SV2C: variants seen among roughly 807,000 people sequenced by gnomAD.
The protein encoded by SV2C is synaptic vesicle glycoprotein 2C.
Under a neutral mutation model 79.7 loss-of-function variants are expected in SV2C, and 49 were observed. The observed-to-expected ratio is 0.61, with a 90% confidence interval of 0.49 to 0.78. The LOEUF is 0.78. Among genes scored for constraint, SV2C ranks in the 30% least tolerant of loss-of-function variants. The probability of loss-of-function intolerance (pLI) is 0.00; values close to 1 mark genes in which losing one functional copy is unlikely to be tolerated. For missense variants in SV2C, 833 were observed against 912.9 expected, an observed-to-expected ratio of 0.91 and a Z score of 1.13; for synonymous variants, 334 against 333.2, an observed-to-expected ratio of 1.00 and a Z score of -0.03.
the SV2C span, among the ~76,000 whole-genome samples, chr5:76,037,124 G>C: frequency 3.9e-5 from 6 of 152,052 alleles, no homozygotes; most frequent in Non-Finnish European, 8.8e-5. Context: ...CTCTGTATTG[G>C]TTATTCTAGT....
At chr5:75,863,229 GCTGTACC>G in the SV2C span, among the ~76,000 whole-genome samples, 1 of 152,064 alleles carries the variant, frequency 6.6e-6, no homozygotes, top group Non-Finnish European at 1.5e-5. Context: ...GAAAAGATAC[GCTGTACC>G]CTGCTGAGGT....
At chr5:76,111,481 C>T (rs896649144) in intron 1 of SV2C, among the ~76,000 whole-genome samples, 8 of 152,048 alleles carry the variant, frequency 5.3e-5, no homozygotes, top group African/African-American at 1.9e-4. Flanking sequence ...TGTCCTTCTC[C>T]CTCCACCCTG....
the SV2C span, among the ~76,000 whole-genome samples, chr5:75,896,471 C>T: frequency 6.6e-6 from 1 of 151,228 alleles, no homozygotes. Context: ...CATTGTTGGA[C>T]ATTTGGGTTG....
At chr5:76,044,763 TTTG>T in the SV2C span, among the ~76,000 whole-genome samples, 1 of 152,138 alleles carries the variant, frequency 6.6e-6, no homozygotes, top group African/African-American at 2.4e-5. Context: ...GGGTGGGTTG[TTTG>T]TTTTTTTCTT....
chr5:76,000,827 A>C, the SV2C span, among the ~76,000 whole-genome samples: 2 of 152,114 alleles, frequency 1.3e-5, no homozygotes, highest in Admixed American at 6.5e-5. Context: ...TCCTAAAAGA[A>C]TCACACCTCC....
the SV2C span, among the ~76,000 whole-genome samples, chr5:76,050,370 T>C: frequency 1.3e-5 from 2 of 152,164 alleles, no homozygotes; most frequent in Non-Finnish European, 2.9e-5. Flanking sequence ...CTGGTATGCA[T>C]GAAAGAGAAT....
the SV2C span, among the ~76,000 whole-genome samples, chr5:76,032,495 G>A: frequency 6.6e-6 from 1 of 152,134 alleles, no homozygotes; most frequent in Non-Finnish European, 1.5e-5. Flanking sequence ...AGAATATGCG[G>A]TGTTGGGTTT....
At chr5:76,100,792 C>CGA (rs1747716607) in intron 1 of SV2C, among the ~76,000 whole-genome samples, 1 of 152,192 alleles carries the variant, frequency 6.6e-6, no homozygotes, top group South Asian at 2.1e-4. Context: ...TCAACCTCAG[C>CGA]ACTACTGACA....
intron 1 of SV2C, among the ~76,000 whole-genome samples, chr5:76,103,121 TA>T (rs1417318489): frequency 6.6e-6 from 1 of 152,176 alleles, no homozygotes; most frequent in African/African-American, 2.4e-5. Context: ...AATGCATAAT[TA>T]AAACTGCTGA....
intron 4 of SV2C, among the ~76,000 whole-genome samples, chr5:76,272,964 A>G (rs1424302709): frequency 2.0e-5 from 3 of 151,948 alleles, no homozygotes; most frequent in African/African-American, 7.2e-5. Flanking sequence ...TAGAGAAGGA[A>G]ACTTAATGTG....
chr5:76,124,156 G>A (rs1270446532), intron 1 of SV2C, among the ~76,000 whole-genome samples: 3 of 152,076 alleles, frequency 2.0e-5, no homozygotes, highest in South Asian at 4.1e-4. Context: ...TGTACAGTCA[G>A]TGCTATTGAA....
intron 12 of SV2C, among the ~76,000 whole-genome samples, chr5:76,304,156 C>T (rs554610701): frequency 4.0e-4 from 61 of 152,324 alleles, no homozygotes; most frequent in Middle Eastern, 3.4e-3. Flanking sequence ...ATTCTCACCG[C>T]GGTCACGCTG....
Position 76,325,649 on chromosome 5 carries a change from A to G in SV2C, c.*102A>G, listed in dbSNP as rs553901434. 10 of 1,492,824 alleles carry G rather than the reference A, an allele frequency of 6.7e-6. No homozygotes were observed. Among genetic ancestry groups the G allele is most frequent in the Non-Finnish European group, 9.0e-6 (10 of 1,115,002 alleles). The allele number at this position is 1,492,824 out of a possible 1,614,324, so 92.5% of individuals were successfully genotyped here. The stretch of plus-strand genomic sequence containing the variant: ...AGTTTTCCTATATAGAAAGGTGATC[A>G]AGTATCAGAACATAAACACGTGCTG... On this transcript the variant is annotated 3_prime_UTR_variant, in exon 13 of 13. Coordinates refer to ENST00000502798, the MANE Select transcript of SV2C (RefSeq NM_014979.4).
At chr5:75,980,547 A>G in the SV2C span, among the ~76,000 whole-genome samples, 1 of 152,212 alleles carries the variant, frequency 6.6e-6, no homozygotes, top group African/African-American at 2.4e-5. Context: ...CCGGGATACA[A>G]GTTGGGTTCA....
chr5:76,195,364 G>T (rs1336252041), intron 3 of SV2C, among the ~76,000 whole-genome samples: 1 of 152,108 alleles, frequency 6.6e-6, no homozygotes, highest in African/African-American at 2.4e-5. Context: ...CTGTTTCTAT[G>T]GTAGAACACA....
At chr5:76,281,942 A>G (rs1183077747) in intron 4 of SV2C, among the ~76,000 whole-genome samples, 2 of 152,272 alleles carry the variant, frequency 1.3e-5, no homozygotes, top group African/African-American at 4.8e-5. Context: ...GTAAGGTAAC[A>G]TATTCACAGA....
chr5:76,157,241 C>G (rs1372207110), intron 2 of SV2C, among the ~76,000 whole-genome samples: 1 of 151,632 alleles, frequency 6.6e-6, no homozygotes, highest in Non-Finnish European at 1.5e-5. Flanking sequence ...ATAGTAGAGG[C>G]CAGAAAATAG....
At chr5:76,037,714 G>T in the SV2C span, among the ~76,000 whole-genome samples, 2 of 152,170 alleles carry the variant, frequency 1.3e-5, no homozygotes, top group South Asian at 4.1e-4. Context: ...TCTGTGCCCT[G>T]CCCCCAGAGG....
intron 2 of SV2C, among the ~76,000 whole-genome samples, chr5:76,182,745 A>G (rs1743776348): frequency 6.6e-6 from 1 of 152,132 alleles, no homozygotes; most frequent in African/African-American, 2.4e-5. Context: ...CTGCATTGCT[A>G]TAAAGAAATA....
Sources: gnomAD v4.1 joint callset for allele counts (sites outside exome capture counted in the v4.1 genomes callset) on GRCh38, gnomAD v4.1.1 for gene constraint, MANE v1.5 for transcripts, NCBI Gene and HGNC (gene_info 2026-07-23, HGNC 2026-07-21) for gene names.